RYR1: variants seen among roughly 807,000 people sequenced by gnomAD.
RYR1 encodes central core disease of muscle.
Under a neutral mutation model 583.5 loss-of-function variants are expected in RYR1, and 342 were observed. The observed-to-expected ratio is 0.59, with a 90% CI of 0.54 to 0.64. The LOEUF (loss-of-function observed/expected upper bound fraction) is 0.64, where lower values mean the gene tolerates loss of function less well. Among genes scored for constraint, RYR1 ranks in the 30% least tolerant of loss-of-function variants. The pLI, the probability that RYR1 is intolerant of heterozygous loss-of-function variation, is 0.00. For synonymous variants in RYR1, 2,791 were observed against 2,822.5 expected (o/e 0.99, Z 0.35); for missense variants, 6,032 against 6,917.2 (o/e 0.87, Z 4.54).
At chr19:38,461,193 A>C (rs1484049243) in intron 20 of RYR1, among the ~76,000 whole-genome samples, 1 of 152,098 alleles carries the variant, frequency 6.6e-6, no homozygotes, top group Non-Finnish European at 1.5e-5. Flanking sequence ...CATTTTGGGA[A>C]GCCGAAGTGG....
intron 9 of RYR1, among the ~76,000 whole-genome samples, chr19:38,448,079 T>A (rs1966884624): frequency 6.6e-6 from 1 of 151,540 alleles, no homozygotes; most frequent in Non-Finnish European, 1.5e-5. Context: ...GGGTCCTAAT[T>A]AAGATGGTTT....
At chr19:38,439,451 G>A (rs1420547834) in intron 1 of RYR1, among the ~76,000 whole-genome samples, 3 of 152,024 alleles carry the variant, frequency 2.0e-5, no homozygotes, top group Non-Finnish European at 4.4e-5. Flanking sequence ...CACCTGCCTC[G>A]GCCTCCCAAA....
intron 92 of RYR1, 61 bp downstream of exon 92, chr19:38,567,048 G>A: frequency 6.5e-7 from 1 of 1,548,290 alleles, no homozygotes; most frequent in Non-Finnish European, 8.7e-7. Flanking sequence ...TAGAGTAGGA[G>A]CCTCCAGAGG....
intron 48 of RYR1, 60 bp downstream of exon 48, chr19:38,502,787 AGGG>A: frequency 5.1e-6 from 2 of 395,824 alleles, no homozygotes; most frequent in Non-Finnish European, 8.1e-6. Flanking sequence ...GGGCAGGGGC[AGGG>A]GCAGGGGCAG....
chr19:38,573,160 C>T lies in RYR1; in HGVS notation c.13999-17C>T, dbSNP rs1973800036. 6.2e-7 allele frequency: 1 copy of T among 1,613,600 alleles called. No homozygotes were observed. Among genetic ancestry groups the T allele is most frequent in the Non-Finnish European group, 8.5e-7 (1 of 1,179,684 alleles). ...AAGGTGCCTGACGCCCACCTTTGGC[C>T]TCCTCCCACTATCCAGGTGCCCCTG... On this transcript the variant is annotated splice_polypyrimidine_tract_variant and intron_variant, in intron 95 of 105. Transcript: ENST00000359596.
chr19:38,446,245 G>C (rs1972935713), intron 7 of RYR1, among the ~76,000 whole-genome samples: 1 of 151,962 alleles, frequency 6.6e-6, no homozygotes, highest in South Asian at 2.1e-4. Flanking sequence ...TGCAGACCCA[G>C]ACCCCCCAAA....
At chr19:38,463,141 G>GCGCCC (rs1555772006) in intron 20 of RYR1, among the ~76,000 whole-genome samples, 2 of 32,954 alleles carry the variant, frequency 6.1e-5, no homozygotes, top group Non-Finnish European at 9.4e-5. Context: ...CAGGCGATCT[G>GCGCCC]CCCCCCCCCC....
intron 13 of RYR1, among the ~76,000 whole-genome samples, chr19:38,454,431 A>G (rs777662095): frequency 1.4e-4 from 22 of 152,262 alleles, no homozygotes; most frequent in Non-Finnish European, 2.8e-4. Flanking sequence ...CAAGAAAGCT[A>G]TGATGTGCCT....
intron 78 of RYR1, among the ~76,000 whole-genome samples, chr19:38,533,183 T>C (rs1357599466): frequency 1.3e-5 from 2 of 152,118 alleles, no homozygotes; most frequent in East Asian, 3.9e-4. Context: ...AGCCTGCCAG[T>C]TGAAGAAAAA....
At chr19:38,508,843 C>G (rs553209594) in intron 58 of RYR1, among the ~76,000 whole-genome samples, 51 of 151,522 alleles carry the variant, frequency 3.4e-4, no homozygotes, top group African/African-American at 1.2e-3. Context: ...GGGGCTGAGC[C>G]GAGGAGGGAC....
chr19:38,572,955 C>A (rs1042540368), intron 95 of RYR1, among the ~76,000 whole-genome samples: 1 of 151,154 alleles, frequency 6.6e-6, no homozygotes, highest in African/African-American at 2.4e-5. Context: ...CCCTGACCCC[C>A]CTGCCTGTGC....
intron 96 of RYR1, among the ~76,000 whole-genome samples, chr19:38,575,444 A>G (rs2145880488): frequency 6.6e-6 from 1 of 152,188 alleles, no homozygotes; most frequent in Admixed American, 6.5e-5. Context: ...AGGGGGGATC[A>G]CCTGAGGTCA....
At chr19:38,539,238 C>CTTTTTT (rs766181329) in intron 84 of RYR1, among the ~76,000 whole-genome samples, 1 of 118,714 alleles carries the variant, frequency 8.4e-6, no homozygotes. Flanking sequence ...AAGATTTTTT[C>CTTTTTT]TTTTTTTTTT....
chr19:38,474,781 G>T lies in RYR1; in HGVS notation c.4161-537G>T, dbSNP rs142260760. Among the ~76,000 whole-genome samples the T allele has an allele frequency of 8.3e-3, 1,256 of 151,714 alleles. 10 individuals carry two copies. Among genetic ancestry groups the T allele is most frequent in the African/African-American group, 0.025 (1,043 of 41,378 alleles). ...GTAGAGACAGGGTTTCACCATGTTGGCCAGGCTGGTCTTGAACTCCTGACC... is the reference window on the plus strand; with the variant it reads ...GTAGAGACAGGGTTTCACCATGTTGTCCAGGCTGGTCTTGAACTCCTGACC... On this transcript the variant is annotated intron_variant, in intron 28 of 105. Coordinates refer to ENST00000359596, the MANE Select transcript of RYR1 (RefSeq NM_000540.3).
chr19:38,581,845 T>C (rs1332250439), intron 101 of RYR1, among the ~76,000 whole-genome samples: 2 of 151,850 alleles, frequency 1.3e-5, no homozygotes, highest in African/African-American at 4.8e-5. Context: ...TGACCTCAAA[T>C]GATCCACCCA....
intron 74 of RYR1, 36 bp downstream of exon 74, chr19:38,528,454 TGC>T (rs768749816): frequency 6.2e-7 from 1 of 1,608,670 alleles, no homozygotes; most frequent in Non-Finnish European, 8.5e-7. Flanking sequence ...CGTGAAGGGC[TGC>T]GGAGAAAGGG....
Position 38,444,638 on chromosome 19 carries a change from CTA to C in RYR1, c.594_595del (p.Trp199GlufsTer29), listed in dbSNP as rs1469209813. On this transcript the variant is annotated frameshift_variant, in exon 7 of 106. Transcript: ENST00000359596. LOFTEE classifies it high-confidence loss of function. This position sits in a 1 kb window ranked among gnomAD's most constrained non-coding sequence, Gnocchi z 5.1. ...GGTTGACGCTTCCTTCATGCAGACACTATGGAACATGAACCCCATCTGCTCCC... is the reference window on the plus strand; with the variant it reads ...GGTTGACGCTTCCTTCATGCAGACACTGGAACATGAACCCCATCTGCTCCC... The part of the protein sequence containing the change: ...LQVDASFMQT[L>X]WNMNPICSRC... 6.2e-7 allele frequency: 1 copy of C among 1,614,066 alleles called. No individual in the cohort carries two copies. The highest frequency in any genetic ancestry group is 8.5e-7 in the Non-Finnish European group (1 of 1,179,982).
chr19:38,553,261 G>C (rs1440761263), intron 89 of RYR1, among the ~76,000 whole-genome samples: 3 of 151,564 alleles, frequency 2.0e-5, no homozygotes, highest in Non-Finnish European at 4.4e-5. Flanking sequence ...CTTGAGCCTG[G>C]GAGGCAGAGA....
intron 22 of RYR1, among the ~76,000 whole-genome samples, chr19:38,464,264 G>A (rs1281020526): frequency 3.5e-5 from 4 of 114,728 alleles, no homozygotes; most frequent in East Asian, 2.6e-4. Flanking sequence ...GCGACAGAGC[G>A]AGACACCGTT....
Sources: allele counts gnomAD v4.1 joint callset (sites outside exome capture counted in the v4.1 genomes callset), GRCh38; gene constraint gnomAD v4.1.1; non-coding constraint Gnocchi (gnomAD v3.1); transcripts MANE v1.5; gene names NCBI Gene and HGNC (gene_info 2026-07-23, HGNC 2026-07-21).